The following C10orf90 variants were observed in gnomAD, a reference collection of about 807,000 sequenced individuals.
C10orf90 encodes (E2-independent) E3 ubiquitin-conjugating enzyme FATS.
Under a neutral mutation model 62.5 loss-of-function variants are expected in C10orf90, and 56 were observed. The observed-to-expected ratio is 0.90, with a 90% CI of 0.72 to 1.12. C10orf90 has a LOEUF of 1.12. C10orf90 is among the 50% of genes most tolerant of loss of function. C10orf90 has a pLI of 0.00. For synonymous variants in C10orf90, 386 were observed against 340.4 expected (o/e 1.13, Z -1.47); for missense variants, 970 against 880.4 (o/e 1.10, Z -1.29).
chr10:126,443,582 A>C (rs759959979), intron 7 of C10orf90, among the ~76,000 whole-genome samples: 17 of 152,062 alleles, frequency 1.1e-4, no homozygotes, highest in Non-Finnish European at 1.6e-4. Flanking sequence ...ATTCTAGAGC[A>C]GAATTCTACT....
chr10:126,493,333 ATATTTT>A (rs150997181), intron 4 of C10orf90, among the ~76,000 whole-genome samples: 2,641 of 151,062 alleles, frequency 0.017, 62 homozygotes, highest in African/African-American at 0.061. Flanking sequence ...TTGCTTATTT[ATATTTT>A]AAGTTTTATA....
intron 2 of C10orf90, among the ~76,000 whole-genome samples, chr10:126,557,440 A>G (rs1469178792): frequency 6.7e-6 from 1 of 149,634 alleles, no homozygotes; most frequent in East Asian, 2.0e-4. Flanking sequence ...AGATCATGCC[A>G]CTGCACTCCA....
chr10:126,618,997 TA>T (rs148811768), intron 2 of C10orf90, among the ~76,000 whole-genome samples: 7,395 of 152,076 alleles, frequency 0.049, 527 homozygotes, highest in African/African-American at 0.16. Flanking sequence ...TATGCAGCCA[TA>T]AAAAAAATGA....
chr10:126,668,734 A>G (rs1443582970), intron 1 of C10orf90, among the ~76,000 whole-genome samples: 1 of 152,072 alleles, frequency 6.6e-6, no homozygotes, highest in Admixed American at 6.6e-5. Flanking sequence ...AGCCCATCAG[A>G]CTGATTGTGG....
chr10:126,649,407 A>G (rs1353334263), intron 1 of C10orf90, among the ~76,000 whole-genome samples: 7 of 151,946 alleles, frequency 4.6e-5, no homozygotes, highest in African/African-American at 1.2e-4. Context: ...TCTCTGTGGC[A>G]TCACTCACTG....
chr10:126,610,100 C>A (rs959076646), intron 2 of C10orf90, among the ~76,000 whole-genome samples: 1 of 152,186 alleles, frequency 6.6e-6, no homozygotes, highest in African/African-American at 2.4e-5. Context: ...CTCTGGTGGA[C>A]CCCTCTCCAT....
intron 3 of C10orf90, among the ~76,000 whole-genome samples, chr10:126,513,427 C>T (rs1007013841): frequency 7.2e-5 from 11 of 152,170 alleles, no homozygotes; most frequent in South Asian, 2.1e-4. Flanking sequence ...TTGTTCCCTA[C>T]GATCTGAAAT....
At chr10:126,442,043 T>C (rs897829784) in intron 7 of C10orf90, among the ~76,000 whole-genome samples, 1 of 152,000 alleles carries the variant, frequency 6.6e-6, no homozygotes, top group Non-Finnish European at 1.5e-5. Flanking sequence ...AATAAAATGG[T>C]ACCTCCCATC....
intron 2 of C10orf90, among the ~76,000 whole-genome samples, chr10:126,537,838 C>T (rs1219191608): frequency 6.6e-6 from 1 of 152,170 alleles, no homozygotes; most frequent in African/African-American, 2.4e-5. Context: ...TCCTAACCCC[C>T]AGTACCTCAG....
At chr10:126,490,099 TAATA>T in intron 4 of C10orf90, among the ~76,000 whole-genome samples, 1 of 123,526 alleles carries the variant, frequency 8.1e-6, no homozygotes, top group African/African-American at 3.3e-5. Flanking sequence ...ATATAATATA[TAATA>T]TATATGTATA....
At chr10:126,488,750 C>T (rs774634859) in intron 4 of C10orf90, among the ~76,000 whole-genome samples, 7 of 152,028 alleles carry the variant, frequency 4.6e-5, no homozygotes, top group Admixed American at 2.0e-4. Flanking sequence ...GATAAAATGG[C>T]AAATCCCTTG....
chr10:126,663,768 T>G (rs1846566794), intron 1 of C10orf90, among the ~76,000 whole-genome samples: 1 of 152,168 alleles, frequency 6.6e-6, no homozygotes, highest in South Asian at 2.1e-4. Flanking sequence ...GGTTCAGAAC[T>G]GCAAAAAACC....
At chr10:126,429,340 G>T (rs1186608211) in intron 8 of C10orf90, among the ~76,000 whole-genome samples, 1 of 152,152 alleles carries the variant, frequency 6.6e-6, no homozygotes, top group Non-Finnish European at 1.5e-5. Flanking sequence ...AGGCTCCACT[G>T]GCTCCCAGGT....
chr10:126,542,178 G>C (rs1432981297), intron 2 of C10orf90, among the ~76,000 whole-genome samples: 6 of 152,162 alleles, frequency 3.9e-5, no homozygotes, highest in Non-Finnish European at 7.3e-5. Flanking sequence ...AGGGACTGGG[G>C]AATAGGAAAT....
At chr10:126,535,852 T>C (rs983028805) in intron 2 of C10orf90, among the ~76,000 whole-genome samples, 3 of 152,124 alleles carry the variant, frequency 2.0e-5, no homozygotes, top group African/African-American at 7.2e-5. Flanking sequence ...CACTTCCAGC[T>C]CAGGCCCACG....
At chr10:126,494,357 A>G (rs1221476340) in intron 4 of C10orf90, among the ~76,000 whole-genome samples, 1 of 152,142 alleles carries the variant, frequency 6.6e-6, no homozygotes, top group African/African-American at 2.4e-5. Flanking sequence ...TCACTGTGAG[A>G]GCTCACATAT....
At chr10:126,658,002 C>T (rs1487855049) in intron 1 of C10orf90, among the ~76,000 whole-genome samples, 2 of 152,170 alleles carry the variant, frequency 1.3e-5, no homozygotes, top group African/African-American at 4.8e-5. Flanking sequence ...CATGCACTCC[C>T]TCACCACCCC....
At chr10:126,584,354 C>T (rs1388739607) in intron 2 of C10orf90, among the ~76,000 whole-genome samples, 2 of 151,744 alleles carry the variant, frequency 1.3e-5, no homozygotes, top group Admixed American at 1.3e-4. Context: ...ACCTGTCTGT[C>T]CACCTGTCCA....
chr10:126,469,879 CTCCTT>C (rs1860478020), intron 4 of C10orf90: 1 of 456,654 alleles, frequency 2.2e-6, no homozygotes, highest in African/African-American at 2.0e-5. Flanking sequence ...GTTGAGGACT[CTCCTT>C]TGCTGTCTCC....
Sources: gnomAD v4.1 joint callset for allele counts (sites outside exome capture counted in the v4.1 genomes callset) on GRCh38, gnomAD v4.1.1 for gene constraint, MANE v1.5 for transcripts, NCBI Gene and HGNC (gene_info 2026-07-23, HGNC 2026-07-21) for gene names.